Variants in BAHCC1 observed in about 807,000 individuals in gnomAD.
BAHCC1 encodes BAH and coiled-coil domain-containing protein 1.
BAHCC1 carries 43 observed loss-of-function variants against 88.2 expected under a neutral mutation model. The observed-to-expected ratio is 0.49, with a 90% CI of 0.38 to 0.63. The LOEUF is 0.63. BAHCC1 is among the 20% of genes least tolerant of loss of function. The probability of loss-of-function intolerance (pLI) is 0.00; values close to 1 mark genes in which losing one functional copy is unlikely to be tolerated. For synonymous variants in BAHCC1, 1,510 were observed against 745.5 expected (o/e 2.03, Z -16.71); for missense variants, 3,023 against 1,654.8 (o/e 1.83, Z -14.34).
intron 2 of BAHCC1, among the ~76,000 whole-genome samples, chr17:81,424,310 G>A (rs902372764): frequency 2.2e-4 from 34 of 152,222 alleles, no homozygotes; most frequent in African/African-American, 6.8e-4. Flanking sequence ...CTGGGGCCCC[G>A]CTGACCCTGG....
Position 81,447,605 on chromosome 17 carries a change from G to A in BAHCC1, c.3733G>A (p.Gly1245Ser), listed in dbSNP as rs1245369112. 5.3e-6 allele frequency: 4 copies of A among 749,326 alleles called. No homozygotes were observed. The highest frequency in any genetic ancestry group is 9.9e-6 in the Non-Finnish European group (4 of 403,400). The allele number at this position is 749,326 out of a possible 1,614,324, so 46.4% of individuals were successfully genotyped here. A position where few individuals can be genotyped will look rare whatever the true frequency, so the allele number is the denominator to read the frequency against. ...QSMEDSEEDC[G>S]GAPDNSHPPR... ...CATGGAGGACTCAGAGGAGGACTGT[G>A]GCGGAGCTCCCGACAACAGCCACCC... is the stretch of plus-strand genomic sequence containing the variant. Residue 1245 changes from glycine (G) to serine (S), a missense_variant, in exon 11 of 28, where the codon GGC becomes AGC. By Grantham distance (56) the Gly-to-Ser change is moderately conservative (BLOSUM62 0). Coordinates refer to ENST00000675386, the MANE Select transcript of BAHCC1 (RefSeq NM_001377448.1).
At chr17:81,406,395 C>T (rs569009199) in intron 2 of BAHCC1, among the ~76,000 whole-genome samples, 3 of 152,298 alleles carry the variant, frequency 2.0e-5, no homozygotes, top group Non-Finnish European at 4.4e-5. Flanking sequence ...CACCTGGGAA[C>T]GGCTTCCCTG....
At position 81,411,582 on chromosome 17, in the gene BAHCC1, C is replaced by T. The variant is rs1331530646; in HGVS notation, c.178+11665C>T. On this transcript the variant is annotated intron_variant, in intron 2 of 27. Transcript: ENST00000675386. This position sits in a 1 kb window ranked among gnomAD's most constrained non-coding sequence, Gnocchi z 6.2. ...TTCCTTCCTTCCTTCCTTGAGAGGC[C>T]TCTCTACCCAGCACCCACGAAGACG... The T allele has an allele frequency of 1.8e-5, 8 of 434,542 alleles. No individual in the cohort carries two copies. The East Asian group carries it at 4.4e-4, about 24-fold the overall frequency. The allele number at this position is 434,542 out of a possible 1,614,324, so 26.9% of individuals were successfully genotyped here.
At chr17:81,437,034 G>A (rs922399656) in intron 3 of BAHCC1, among the ~76,000 whole-genome samples, 3 of 152,216 alleles carry the variant, frequency 2.0e-5, no homozygotes, top group South Asian at 2.1e-4. Context: ...AGAGAGGATC[G>A]AACAGTGCCT....
chr17:81,399,470 C>A lies in BAHCC1; in HGVS notation c.-206-64C>A. On this transcript the variant is annotated intron_variant, in intron 1 of 27. Transcript: ENST00000675386. This position sits in a 1 kb window ranked among gnomAD's most constrained non-coding sequence, Gnocchi z 4.5. ...GGGGGGAGTGGGTGAGCGGGCGGGG[C>A]GGGGACCCCCGGGCGAGCCGAGCCC... 1.1e-5 allele frequency: 2 copies of A among 184,578 alleles called. No individual in the cohort carries two copies. The highest frequency in any genetic ancestry group is 6.3e-5 in the South Asian group (1 of 15,792). 11.4% of individuals were successfully genotyped at this position (184,578 alleles called of 1,614,324 possible). A position where few individuals can be genotyped will look rare whatever the true frequency, so the allele number is the denominator to read the frequency against.
In BAHCC1 at chr17:81,462,865, C is replaced by A. The variant is rs782734477; in HGVS notation, c.7509C>A (p.Ile2503=). The A allele has an allele frequency of 5.1e-6, 4 of 783,700 alleles. No individual in the cohort carries two copies. The highest frequency in any genetic ancestry group is 3.4e-5 in the African/African-American group (2 of 59,212). 48.5% of individuals were successfully genotyped at this position (783,700 alleles called of 1,614,324 possible). ...CTGGGCGGCCCAACCTCCCCTACAT[C>A]GGCCGCATCGAGAGCATGTGGGAGT... ...LSAGRPNLPY[I]GRIESMWESW... The change falls in exon 27 of 28, where the codon ATC becomes ATA. Residue 2503 remains isoleucine, a synonymous_variant. Coordinates refer to ENST00000675386, the MANE Select transcript of BAHCC1 (RefSeq NM_001377448.1).
At position 81,459,091 on chromosome 17, in the gene BAHCC1, C is replaced by T. The variant is rs374676535; in HGVS notation, c.5643C>T (p.Asp1881=). The T allele has an allele frequency of 9.0e-5, 69 of 770,048 alleles. No individual in the cohort carries two copies. The highest frequency in any genetic ancestry group is 2.9e-4 in the African/African-American group (17 of 59,056). The allele number at this position is 770,048 out of a possible 1,614,324, so 47.7% of individuals were successfully genotyped here. The part of the protein sequence containing the change: ...SCAIHKEDLR[D]GLPVLIPKED... ...CCATCCACAAGGAGGACCTGCGGGA[C>T]GGGCTGCCCGTGCTCATCCCCAAGG... is the stretch of plus-strand genomic sequence containing the variant. Residue 1881 remains aspartate, a synonymous_variant, in exon 21 of 28, where the codon GAC becomes GAT. Transcript: ENST00000675386.
At chr17:81,441,668 CAAA>C (rs11333301) in intron 4 of BAHCC1, among the ~76,000 whole-genome samples, 160 bp from the exon 5 acceptor site, 4 of 91,664 alleles carry the variant, frequency 4.4e-5, no homozygotes, top group Non-Finnish European at 6.4e-5. Context: ...GACTCCGTCT[CAAA>C]AAAAAAAAAA....
At position 81,458,851 on chromosome 17, in the gene BAHCC1, C is replaced by T. The variant is rs781787728; in HGVS notation, c.5487C>T (p.Phe1829=). Residue 1829 remains phenylalanine (F), a synonymous_variant, in exon 20 of 28, where the codon TTC becomes TTT. Coordinates refer to ENST00000675386, the MANE Select transcript of BAHCC1 (RefSeq NM_001377448.1). ...GRAVSRLLES[F]AVEEDFEFDD... Reference sequence around the variant, plus strand: ...CCGTGAGCCGCCTGCTGGAAAGCTTCGCCGTGGAGGAAGACTTTGAGTTCG... The same window carrying T: ...CCGTGAGCCGCCTGCTGGAAAGCTTTGCCGTGGAGGAAGACTTTGAGTTCG... 137 of 769,794 alleles carry T rather than the reference C, an allele frequency of 1.8e-4. 1 individual carries two copies. The highest frequency in any genetic ancestry group is 1.4e-4 in the Admixed American group (8 of 58,608). The allele number at this position is 769,794 out of a possible 1,614,324, so 47.7% of individuals were successfully genotyped here.
intron 2 of BAHCC1, among the ~76,000 whole-genome samples, chr17:81,420,421 C>T (rs899747552): frequency 2.0e-5 from 3 of 152,218 alleles, no homozygotes; most frequent in South Asian, 2.1e-4. Flanking sequence ...CCAGTCTTCC[C>T]GCTGCTGGGC....
rs78463490 is a variant in BAHCC1 at position 81,456,202 on chromosome 17, C to T, written c.4570-95C>T. On this transcript the variant is annotated intron_variant, in intron 15 of 27. Transcript: ENST00000675386. ...GGGCAGGGGCCTCGAGGTACCAGTT[C>T]TGAGCCGGGCATCAACAGAGAGGCA... 1,104 of 650,892 alleles carry T rather than the reference C, an allele frequency of 1.7e-3. 3 individuals are homozygous for T. The African/African-American group carries it at 0.018, about 11-fold the overall frequency. The allele number at this position is 650,892 out of a possible 1,614,324, so 40.3% of individuals were successfully genotyped here.
intron 2 of BAHCC1, among the ~76,000 whole-genome samples, chr17:81,403,390 G>A (rs2063840136): frequency 6.6e-6 from 1 of 152,066 alleles, no homozygotes. Context: ...TGAGCCTGGG[G>A]TTATTGTGGG....
chr17:81,445,469 C>T lies in BAHCC1; in HGVS notation c.2951C>T (p.Ala984Val). ...TPTAPGAPSP[A>V]AGPTKLPPCC... ...ACGGCCCCGGGCGCCCCCTCACCCGCTGCAGGCCCCACCAAGCTGCCACCT... is the reference window on the plus strand; with the variant it reads ...ACGGCCCCGGGCGCCCCCTCACCCGTTGCAGGCCCCACCAAGCTGCCACCT... Residue 984 changes from alanine (A) to valine (V), a missense_variant, in exon 10 of 28, where the codon GCT (alanine) becomes GTT (valine). Coordinates refer to ENST00000675386, the MANE Select transcript of BAHCC1 (RefSeq NM_001377448.1). 1.3e-6 allele frequency: 1 copy of T among 756,094 alleles called. No homozygotes were observed. Among genetic ancestry groups the T allele is most frequent in the South Asian group, 1.4e-5 (1 of 70,888 alleles). The allele number at this position is 756,094 out of a possible 1,614,324, so 46.8% of individuals were successfully genotyped here.
At chr17:81,425,408 A>G (rs1419598783) in intron 2 of BAHCC1, among the ~76,000 whole-genome samples, 2 of 40,006 alleles carry the variant, frequency 5.0e-5, no homozygotes, top group Non-Finnish European at 8.5e-5. Context: ...GTGGTGGGTG[A>G]TGTGGTTGGT....
rs547318668 is a variant in BAHCC1, at chr17:81,399,780, C to G, written c.41C>G (p.Ser14Trp). The change falls in exon 2 of 28, where the codon TCG (serine) becomes TGG (tryptophan). Residue 14 changes from serine to tryptophan, a missense_variant. Ser to Trp is a radical substitution (Grantham distance 177). Transcript: ENST00000675386. This position sits in a 1 kb window ranked among gnomAD's most constrained non-coding sequence, Gnocchi z 4.5. ...RDFAPPPHLL[S>W]ERGSLGHRSA... ...TTTGCGCCGCCGCCGCATCTGCTGTCGGAGCGCGGGAGCCTGGGCCACCGC... is the reference window on the plus strand; with the variant it reads ...TTTGCGCCGCCGCCGCATCTGCTGTGGGAGCGCGGGAGCCTGGGCCACCGC... The G allele has an allele frequency of 1.6e-6, 2 of 1,237,890 alleles. No individual in the cohort carries two copies. The highest frequency in any genetic ancestry group is 3.5e-5 in the East Asian group (1 of 28,914). 76.7% of individuals were successfully genotyped at this position (1,237,890 alleles called of 1,614,324 possible).
intron 2 of BAHCC1, among the ~76,000 whole-genome samples, chr17:81,422,211 C>T (rs1170930478): frequency 4.6e-5 from 7 of 152,158 alleles, no homozygotes; most frequent in African/African-American, 1.7e-4. Context: ...AGGGTTTCAC[C>T]TTGTTGGCCA....
intron 21 of BAHCC1, 40 bp from the exon 22 acceptor site, chr17:81,459,213 A>G (rs781936826): frequency 1.3e-5 from 10 of 773,852 alleles, no homozygotes; most frequent in Non-Finnish European, 2.2e-5. Flanking sequence ...CTGGAGGGCA[A>G]CCGAGACCCG....
chr17:81,442,439 T>G lies in BAHCC1; in HGVS notation c.1090T>G (p.Phe364Val). The stretch of plus-strand genomic sequence containing the variant: ...GCCCCTCAGCACAGCCGCCGGCTCC[T>G]TCCCCTGCCTGCAGCTGCACGGGGG... ...PPPLSTAAGS[F>V]PCLQLHGGPD... The change falls in exon 5 of 28, where the codon TTC becomes GTC. Residue 364 changes from phenylalanine to valine, a missense_variant. Phe to Val is a conservative substitution (Grantham distance 50, BLOSUM62 -1). Coordinates refer to ENST00000675386, the MANE Select transcript of BAHCC1 (RefSeq NM_001377448.1). 2.8e-6 allele frequency: 2 copies of G among 710,252 alleles called. No individual in the cohort carries two copies. Among genetic ancestry groups the G allele is most frequent in the Non-Finnish European group, 5.2e-6 (2 of 383,002 alleles). 44.0% of individuals were successfully genotyped at this position (710,252 alleles called of 1,614,324 possible). A position where few individuals can be genotyped will look rare whatever the true frequency, so the allele number is the denominator to read the frequency against.
chr17:81,463,784 G>C lies in BAHCC1; in HGVS notation c.7794G>C (p.Leu2598=), dbSNP rs1430030253. 1.3e-6 allele frequency: 1 copy of C among 757,142 alleles called. No individual in the cohort carries two copies. The highest frequency in any genetic ancestry group is 2.4e-6 in the Non-Finnish European group (1 of 410,160). The allele number at this position is 757,142 out of a possible 1,614,324, so 46.9% of individuals were successfully genotyped here. ...AGTYDPTTGR[L]VTADGVPILC is the part of the protein sequence containing the mutation. ...CCTACGACCCCACCACCGGGCGCCT[G>C]GTGACGGCTGATGGCGTGCCCATCC... is the stretch of plus-strand genomic sequence containing the variant. The change falls in exon 28 of 28, where the codon CTG becomes CTC. Residue 2598 remains leucine (L), a synonymous_variant. Transcript: ENST00000675386.
Sources: gnomAD v4.1 joint callset for allele counts (sites outside exome capture counted in the v4.1 genomes callset) on GRCh38, gnomAD v4.1.1 for gene constraint, Gnocchi (gnomAD v3.1) non-coding constraint, MANE v1.5 for transcripts, NCBI Gene and HGNC (gene_info 2026-07-23, HGNC 2026-07-21) for gene names.